The following MVP variants were observed in gnomAD, a reference collection of about 807,000 sequenced individuals.
The protein encoded by MVP is major vault protein.
A neutral mutation model predicts 83.5 loss-of-function variants in MVP; 62 were observed. The observed-to-expected ratio is 0.74, with a 90% confidence interval of 0.61 to 0.92. The LOEUF (loss-of-function observed/expected upper bound fraction) is 0.92. MVP is among the 40% of genes least tolerant of loss of function. MVP has a pLI of 0.00. For synonymous variants in MVP, 505 were observed against 504.1 expected (o/e 1.00, Z -0.02); for missense variants, 1,000 against 1,203.4 (o/e 0.83, Z 2.50).
rs534428631 is a variant in MVP at position 29,823,971 on chromosome 16, G to C, written c.-36+3461G>C. 5.3e-5 allele frequency among the ~76,000 whole-genome samples: 8 copies of C among 151,966 alleles called. No homozygotes were observed. The South Asian group carries it at 8.3e-4, about 16-fold the overall frequency. ...GGTCTCCAGAAGGCCTGGCGCGGCAGATCACACCTGTTATCCTAGCCCTTT... is the reference window on the plus strand; with the variant it reads ...GGTCTCCAGAAGGCCTGGCGCGGCACATCACACCTGTTATCCTAGCCCTTT... On this transcript the variant is annotated intron_variant, in intron 1 of 14. Coordinates refer to ENST00000357402, the MANE Select transcript of MVP (RefSeq NM_005115.5).
At chr16:29,848,033 A>G (rs1478359223), downstream of MVP, 1 of 1,580,300 alleles carries the variant, frequency 6.3e-7, no homozygotes, top group African/African-American at 1.4e-5. Context: ...TTACAATTTC[A>G]ACACTTTTCT....
rs958350171 is a variant in MVP at position 29,844,495 on chromosome 16, A to T, written c.1637A>T (p.His546Leu). The T allele has an allele frequency of 1.2e-5, 18 of 1,535,754 alleles. No homozygotes were observed. The highest frequency in any genetic ancestry group is 1.6e-5 in the Non-Finnish European group (18 of 1,142,534). ...RLQLQLAYNW[H>L]FEVNDRKDPQ... ...ATTCTGGGCCTGTTTGTTCACAGGC[A>T]CTTTGAGGTGAATGACCGGAAGGAC... Residue 546 changes from histidine to leucine, a missense_variant and splice_region_variant, in exon 11 of 15, where the codon CAC becomes CTC. His to Leu is a moderately conservative substitution (Grantham distance 99). Coordinates refer to ENST00000357402, the MANE Select transcript of MVP (RefSeq NM_005115.5).
At position 29,846,243 on chromosome 16, in the gene MVP, C is replaced by CT. The variant is rs774677883; in HGVS notation, c.2225dup (p.Gln743AlafsTer12). On this transcript the variant is annotated frameshift_variant, in exon 13 of 15. Transcript: ENST00000357402. LOFTEE classifies it high-confidence loss of function. ...CCGGATTGAGGGAGAAGGGTCCGTG[C>CT]TGCAGGCCAAGCTAAAAGCACAGGC... 1 of 1,580,054 alleles carries CT rather than the reference C, an allele frequency of 6.3e-7. No individual in the cohort carries two copies. The highest frequency in any genetic ancestry group is 1.1e-5 in the South Asian group (1 of 87,194).
At chr16:29,840,606 G>T (rs573887179) in intron 8 of MVP, 147 bp downstream of exon 8, 2 of 926,522 alleles carry the variant, frequency 2.2e-6, no homozygotes, top group East Asian at 5.3e-5. Flanking sequence ...AGGGCACTAC[G>T]TGGAGTGTTT....
intron 1 of MVP, among the ~76,000 whole-genome samples, chr16:29,823,450 T>C (rs971098142): frequency 6.6e-6 from 1 of 151,870 alleles, no homozygotes; most frequent in Non-Finnish European, 1.5e-5. Context: ...TTATTCTCAC[T>C]TCACTGGAGA....
intron 1 of MVP, among the ~76,000 whole-genome samples, chr16:29,829,359 G>A (rs1374654817): frequency 6.8e-6 from 1 of 147,724 alleles, no homozygotes; most frequent in Non-Finnish European, 1.5e-5. Context: ...GCATGTACCT[G>A]TAGTCTCAGC....
chr16:29,838,554 G>A (rs1380869109), intron 7 of MVP, among the ~76,000 whole-genome samples: 1 of 152,068 alleles, frequency 6.6e-6, no homozygotes, highest in Non-Finnish European at 1.5e-5. Flanking sequence ...CAGGCCAGGC[G>A]CAACAGCTCA....
intron 4 of MVP, 34 bp from the exon 5 acceptor site, chr16:29,833,901 C>T (rs1179123187): frequency 1.5e-5 from 25 of 1,614,118 alleles, no homozygotes; most frequent in Non-Finnish European, 2.0e-5. Context: ...TGTCATAGCC[C>T]TGATACCTTC....
chr16:29,830,874 G>A lies in MVP; in HGVS notation c.126-4G>A, dbSNP rs773510050. 6.8e-6 allele frequency: 11 copies of A among 1,608,448 alleles called. No individual in the cohort carries two copies. The highest frequency in any genetic ancestry group is 8.5e-6 in the Non-Finnish European group (10 of 1,175,690). On this transcript the variant is annotated splice_region_variant and splice_polypyrimidine_tract_variant and intron_variant, in intron 2 of 14. Coordinates refer to ENST00000357402, the MANE Select transcript of MVP (RefSeq NM_005115.5). ...TCCTCACACCTCTTCTCATCTTCCT[G>A]CAGGGTACTGTTTGCCCCCATGCGC...
In MVP at chr16:29,841,452, C is replaced by T. The variant is rs116486848; in HGVS notation, c.1192-144C>T. On this transcript the variant is annotated intron_variant, in intron 8 of 14. Coordinates refer to ENST00000357402, the MANE Select transcript of MVP (RefSeq NM_005115.5). The surrounding 1 kb of genome is among the most constrained non-coding windows in gnomAD (Gnocchi z 4.7). Reference sequence around the variant, plus strand: ...TGACAGGGCCAGCAGATGGCAAACCCGGGGTGGAGCCTGGCCTCCCCGTAG... The same window carrying T: ...TGACAGGGCCAGCAGATGGCAAACCTGGGGTGGAGCCTGGCCTCCCCGTAG... 1,761 of 1,135,556 alleles carry T rather than the reference C, an allele frequency of 1.6e-3. 28 individuals are homozygous for T. The African/African-American group carries it at 0.024, about 15-fold the overall frequency. 70.3% of individuals were successfully genotyped at this position (1,135,556 alleles called of 1,614,324 possible).
rs28362602 is a variant in MVP, at chr16:29,820,486, G to GT, written c.-58dup. On this transcript the variant is annotated 5_prime_UTR_variant, in exon 1 of 15. Transcript: ENST00000357402. ...TGAGAGTTCCCCATCTGAGGCGTTTGTTGCAGCTACCTGCACTTCTAGATG... is the reference window on the plus strand; with the variant it reads ...TGAGAGTTCCCCATCTGAGGCGTTTGTTTGCAGCTACCTGCACTTCTAGATG... 24,554 of 152,180 alleles carry GT rather than the reference G, an allele frequency of 0.16. 2,174 individuals are homozygous for GT. The highest frequency in any genetic ancestry group is 0.24 in the African/African-American group (9,782 of 41,458). 9.4% of individuals were successfully genotyped at this position (152,180 alleles called of 1,614,324 possible). A position where few individuals can be genotyped will look rare whatever the true frequency, so the allele number is the denominator to read the frequency against.
chr16:29,826,150 G>A (rs2067403317), intron 1 of MVP: 1 of 152,222 alleles, frequency 6.6e-6, no homozygotes, highest in Non-Finnish European at 1.5e-5. Flanking sequence ...TAGGAAAGTT[G>A]GGCCTCAGGC....
chr16:29,834,090 TGGTG>T lies in MVP; in HGVS notation c.577+31_577+34del, dbSNP rs766037663. On this transcript the variant is annotated intron_variant, in intron 5 of 14. Coordinates refer to ENST00000357402, the MANE Select transcript of MVP (RefSeq NM_005115.5). ...AGGTGGGGTCACCAAGGGGCGATGATGGTGGGTGGGCAGGAGGGGTCCCCACTGC... is the reference window on the plus strand; with the variant it reads ...AGGTGGGGTCACCAAGGGGCGATGATGGTGGGCAGGAGGGGTCCCCACTGC... 14 of 1,609,868 alleles carry T rather than the reference TGGTG, an allele frequency of 8.7e-6. No homozygotes were observed. In the South Asian group the frequency reaches 1.5e-4, roughly 18 times the overall value.
chr16:29,835,057 G>A (rs2067475052), intron 5 of MVP: 1 of 152,068 alleles, frequency 6.6e-6, no homozygotes, highest in Admixed American at 6.6e-5. Flanking sequence ...CAGGTTGCTT[G>A]CCCTGGGGTG....
intron 1 of MVP, among the ~76,000 whole-genome samples, chr16:29,827,592 T>G (rs1024027046): frequency 6.6e-6 from 1 of 152,186 alleles, no homozygotes; most frequent in Non-Finnish European, 1.5e-5. Context: ...CTGTCCAGTA[T>G]GGGATCAACC....
At chr16:29,843,834 A>G (rs966296207) in intron 10 of MVP, among the ~76,000 whole-genome samples, 9 of 152,108 alleles carry the variant, frequency 5.9e-5, no homozygotes, top group Non-Finnish European at 2.9e-5. Context: ...CGGGAGGCGG[A>G]GGTTGCAGTG....
chr16:29,833,620 T>C, intron 3 of MVP, 113 bp from the exon 4 acceptor site: 1 of 1,454,756 alleles, frequency 6.9e-7, no homozygotes, highest in Non-Finnish European at 9.3e-7. Context: ...TCCACCCCAG[T>C]CTTATTTCAG....
At position 29,826,925 on chromosome 16, in the gene MVP, C is replaced by CAAA. The variant is rs779179408; in HGVS notation, c.-35-3573_-35-3571dup. Among the ~76,000 whole-genome samples, 13 of 70,842 alleles carry CAAA rather than the reference C, an allele frequency of 1.8e-4. 1 individual carries two copies. The highest frequency in any genetic ancestry group is 5.1e-4 in the Admixed American group (3 of 5,886). The allele number at this position is 70,842 out of a possible 152,430, so 46.5% of individuals were successfully genotyped here. On this transcript the variant is annotated intron_variant, in intron 1 of 14. Transcript: ENST00000357402. Reference sequence around the variant, plus strand: ...CTGGCGACAGAGTGAGAGTCCATCTCAAAAAAAAAAAAAAAAAAATCCAGA... The same window carrying CAAA: ...CTGGCGACAGAGTGAGAGTCCATCTCAAAAAAAAAAAAAAAAAAAAAATCCAGA...
chr16:29,847,729 C>T, intron 14 of MVP, 33 bp from the exon 15 acceptor site: 2 of 1,601,010 alleles, frequency 1.2e-6, no homozygotes, highest in Non-Finnish European at 1.7e-6. Context: ...GGTTTGACGC[C>T]CATCTCAACT....
Sources: allele counts gnomAD v4.1 joint callset (sites outside exome capture counted in the v4.1 genomes callset), GRCh38; gene constraint gnomAD v4.1.1; non-coding constraint Gnocchi (gnomAD v3.1); transcripts MANE v1.5; gene names NCBI Gene and HGNC (gene_info 2026-07-23, HGNC 2026-07-21).